Variants in WNT9B observed in about 807,000 individuals in gnomAD.
WNT9B encodes the protein protein Wnt-9b.
WNT9B carries 12 observed loss-of-function variants against 30.2 expected under a neutral mutation model. That is an observed-to-expected ratio of 0.40 (90% CI 0.26 to 0.64). The LOEUF (loss-of-function observed/expected upper bound fraction) is 0.64. WNT9B is among the 30% of genes least tolerant of loss of function. The pLI is 0.42. For missense variants in WNT9B, 442 were observed against 485.2 expected, an observed-to-expected ratio of 0.91 and a Z score of 0.84; for synonymous variants, 218 against 216.9, an observed-to-expected ratio of 1.01 and a Z score of -0.05.
At chr17:46,845,299 G>GC (rs2084762958) in intron 1 of WNT9B, among the ~76,000 whole-genome samples, 1 of 151,982 alleles carries the variant, frequency 6.6e-6, no homozygotes, top group Non-Finnish European at 1.5e-5. Flanking sequence ...GCTGCTCCGT[G>GC]CCACCTGCCC....
chr17:46,856,868 A>G (rs964217720), intron 1 of WNT9B, among the ~76,000 whole-genome samples: 1 of 152,228 alleles, frequency 6.6e-6, no homozygotes, highest in Non-Finnish European at 1.5e-5. Flanking sequence ...CAATGACTAC[A>G]TAGAACATTT....
chr17:46,884,162 TCCCACACAGC>T (rs553269220), downstream of WNT9B, among the ~76,000 whole-genome samples: 1 of 152,046 alleles, frequency 6.6e-6, no homozygotes, highest in East Asian at 1.9e-4. Flanking sequence ...CCCCACCTCT[TCCCACACAGC>T]CCCACCAGAG....
At chr17:46,846,004 T>A (rs943644806) in intron 1 of WNT9B, among the ~76,000 whole-genome samples, 2 of 152,128 alleles carry the variant, frequency 1.3e-5, no homozygotes, top group East Asian at 3.9e-4. Flanking sequence ...TTGGCCAGGG[T>A]GGTCTTGAAC....
At chr17:46,872,445 G>T in intron 1 of WNT9B, 72 bp from the exon 2 acceptor site, 1 of 1,427,468 alleles carries the variant, frequency 7.0e-7, no homozygotes, top group Non-Finnish European at 9.2e-7. Context: ...CCCTGAGGAG[G>T]CCCCTTCCCT....
rs959323190 is a variant in WNT9B at position 46,879,012 on chromosome 17, G to T, written c.*2294G>T. Among the ~76,000 whole-genome samples the T allele has an allele frequency of 2.0e-5, 3 of 152,134 alleles. No homozygotes were observed. Among genetic ancestry groups the T allele is most frequent in the Non-Finnish European group, 2.9e-5 (2 of 68,012 alleles). On this transcript the variant is annotated 3_prime_UTR_variant, in exon 4 of 4. Transcript: ENST00000290015. ...CCACCTCGGCCCTCTTGGGGCCCCT[G>T]GGGACTAGAGTGACCACTGACCCCT... is the stretch of plus-strand genomic sequence containing the variant.
chr17:46,882,627 G>A (rs2085437947), downstream of WNT9B, among the ~76,000 whole-genome samples: 1 of 152,064 alleles, frequency 6.6e-6, no homozygotes, highest in African/African-American at 2.4e-5. Context: ...AGGCACTGGC[G>A]GGAAGCATCC....
intron 1 of WNT9B, among the ~76,000 whole-genome samples, chr17:46,862,163 CAAAA>C (rs111407961): frequency 3.7e-5 from 3 of 80,332 alleles, no homozygotes; most frequent in African/African-American, 1.0e-4. Context: ...AACTCCGTCT[CAAAA>C]AAAAAAAAAA....
downstream of WNT9B, among the ~76,000 whole-genome samples, chr17:46,881,232 C>T (rs558809495): frequency 2.0e-5 from 3 of 152,302 alleles, no homozygotes; most frequent in South Asian, 2.1e-4. Flanking sequence ...CTCCCCAGGG[C>T]GGGAGGCAGA....
chr17:46,871,975 A>G (rs2085251795), intron 1 of WNT9B, among the ~76,000 whole-genome samples: 1 of 152,200 alleles, frequency 6.6e-6, no homozygotes, highest in Non-Finnish European at 1.5e-5. Flanking sequence ...CAGCAGCATA[A>G]TGTAAGGGAG....
At position 46,877,991 on chromosome 17, in the gene WNT9B, A is replaced by G. The variant is rs1284032774; in HGVS notation, c.*1273A>G. Reference sequence around the variant, plus strand: ...GTGGACATTTTCAGCAGCACCTGCCAAGGCCCTCTGTGAAAGGAGGAGAGA... The same window carrying G: ...GTGGACATTTTCAGCAGCACCTGCCGAGGCCCTCTGTGAAAGGAGGAGAGA... On this transcript the variant is annotated 3_prime_UTR_variant, in exon 4 of 4. Transcript: ENST00000290015. 6.6e-6 allele frequency among the ~76,000 whole-genome samples: 1 copy of G among 152,220 alleles called. No individual in the cohort carries two copies. The highest frequency in any genetic ancestry group is 1.5e-5 in the Non-Finnish European group (1 of 68,040).
chr17:46,883,345 C>A (rs1056926450), downstream of WNT9B, among the ~76,000 whole-genome samples: 1 of 147,118 alleles, frequency 6.8e-6, no homozygotes, highest in African/African-American at 2.5e-5. Context: ...AGTGCAATGG[C>A]GCAATCTTGG....
At chr17:46,851,165 G>A (rs976857903), upstream of WNT9B, among the ~76,000 whole-genome samples, 52 of 151,900 alleles carry the variant, frequency 3.4e-4, no homozygotes, top group Admixed American at 1.6e-3. The surrounding 1 kb of genome is among the most constrained non-coding windows in gnomAD (Gnocchi z 4.3). Flanking sequence ...AATGACCCGG[G>A]TTTTCCACCG....
At chr17:46,836,164 A>G (rs1218824670) in intron 1 of WNT9B, among the ~76,000 whole-genome samples, 1 of 142,122 alleles carries the variant, frequency 7.0e-6, no homozygotes, top group Non-Finnish European at 1.5e-5. Context: ...GGGGCAATTA[A>G]TAACACCTCA....
chr17:46,870,152 G>A (rs559885107), intron 1 of WNT9B, among the ~76,000 whole-genome samples: 1 of 152,268 alleles, frequency 6.6e-6, no homozygotes, highest in African/African-American at 2.4e-5. Flanking sequence ...CTCCCTGCTT[G>A]CTCTCCCCTC....
chr17:46,841,503 A>G (rs750673983), intron 1 of WNT9B, among the ~76,000 whole-genome samples: 21 of 152,256 alleles, frequency 1.4e-4, no homozygotes, highest in Non-Finnish European at 2.8e-4. Flanking sequence ...CTGGTCCTCA[A>G]GGTCGTGCCA....
Position 46,876,370 on chromosome 17 carries a change from T to C in WNT9B, c.726T>C (p.Tyr242=). 8 of 1,614,020 alleles carry C rather than the reference T, an allele frequency of 5.0e-6. No homozygotes were observed. The highest frequency in any genetic ancestry group is 6.8e-6 in the Non-Finnish European group (8 of 1,180,040). ...RETGQVLKLR[Y]DSAVKVSSAT... ...CGGGCCAGGTGCTGAAACTGCGCTATGACTCGGCTGTCAAGGTGTCCAGTG... is the reference window on the plus strand; with the variant it reads ...CGGGCCAGGTGCTGAAACTGCGCTACGACTCGGCTGTCAAGGTGTCCAGTG... Residue 242 remains tyrosine (Y), a synonymous_variant, in exon 4 of 4, where the codon TAT becomes TAC. Transcript: ENST00000290015.
At chr17:46,852,388 CAGTGTG>C (rs1715675787) in intron 1 of WNT9B, among the ~76,000 whole-genome samples, 2 of 101,158 alleles carry the variant, frequency 2.0e-5, no homozygotes, top group South Asian at 3.7e-4. Context: ...TGAGAGGGCC[CAGTGTG>C]TGTGTGTGTG....
intron 1 of WNT9B, among the ~76,000 whole-genome samples, chr17:46,836,373 T>C (rs2084632857): frequency 6.6e-6 from 1 of 152,182 alleles, no homozygotes; most frequent in South Asian, 2.1e-4. Context: ...GGATGCTTTC[T>C]CTTTTCATGG....
chr17:46,840,019 CTTTCTTTCTTTCT>C (rs1353251129), intron 1 of WNT9B, among the ~76,000 whole-genome samples: 1 of 113,522 alleles, frequency 8.8e-6, no homozygotes. Context: ...TTCTTTCTTT[CTTTCTTTCTTTCT>C]TTTCTTTCTT....
Sources: allele counts gnomAD v4.1 joint callset (sites outside exome capture counted in the v4.1 genomes callset), GRCh38; gene constraint gnomAD v4.1.1; non-coding constraint Gnocchi (gnomAD v3.1); transcripts MANE v1.5; gene names NCBI Gene and HGNC (gene_info 2026-07-23, HGNC 2026-07-21).